The following RBBP5 variants were observed in gnomAD, a reference collection of about 807,000 sequenced individuals.
RBBP5 encodes RB binding protein 5, histone lysine methyltransferase complex subunit, also known as retinoblastoma-binding protein 5.
RBBP5 carries 5 observed loss-of-function variants against 72.2 expected under a neutral mutation model. The observed-to-expected ratio is 0.07, with a 90% CI of 0.04 to 0.15. The LOEUF is 0.15. RBBP5 is among the 10% of genes least tolerant of loss of function. RBBP5 has a pLI of 1.00. For missense variants in RBBP5, 322 were observed against 652.2 expected, an observed-to-expected ratio of 0.49 and a Z score of 5.51; for synonymous variants, 209 against 237.2, an observed-to-expected ratio of 0.88 and a Z score of 1.09.
intron 3 of RBBP5, among the ~76,000 whole-genome samples, chr1:205,111,802 T>C (rs367960372): frequency 3.3e-5 from 5 of 152,150 alleles, no homozygotes; most frequent in African/African-American, 1.2e-4. Flanking sequence ...ACATATGAGC[T>C]AGGAATCAAA....
At position 205,088,441 on chromosome 1, in the gene RBBP5, A is replaced by T. The variant is rs957652124; in HGVS notation, c.*346T>A. The T allele has an allele frequency of 5.9e-5, 13 of 221,418 alleles. No homozygotes were observed. The highest frequency in any genetic ancestry group is 1.2e-4 in the Admixed American group (2 of 16,668). 13.7% of individuals were successfully genotyped at this position (221,418 alleles called of 1,614,324 possible). A position where few individuals can be genotyped will look rare whatever the true frequency, so the allele number is the denominator to read the frequency against. On this transcript the variant is annotated 3_prime_UTR_variant, in exon 14 of 14. Transcript: ENST00000264515. The stretch of plus-strand genomic sequence containing the variant: ...TGGGAGATAGGAAATGACATGTCAA[A>T]ATGACGCTGGGTACAATGAAGTTAG...
intron 6 of RBBP5, among the ~76,000 whole-genome samples, chr1:205,100,841 C>T (rs1354122312): frequency 1.3e-5 from 2 of 152,192 alleles, no homozygotes; most frequent in Non-Finnish European, 2.9e-5. Flanking sequence ...GACAATTTTT[C>T]CACGGCCCAG....
chr1:205,103,223 CAAA>C (rs35295093), intron 5 of RBBP5, among the ~76,000 whole-genome samples: 6 of 91,382 alleles, frequency 6.6e-5, no homozygotes, highest in African/African-American at 1.3e-4. Flanking sequence ...GACTCCATCT[CAAA>C]AAAAAAAAAA....
chr1:205,118,507 G>A (rs1221882922), intron 1 of RBBP5, among the ~76,000 whole-genome samples: 1 of 152,038 alleles, frequency 6.6e-6, no homozygotes, highest in African/African-American at 2.4e-5. Context: ...CAGCTACTTG[G>A]GAGGCTGAAG....
chr1:205,112,223 C>T (rs2102319779), intron 3 of RBBP5, among the ~76,000 whole-genome samples: 1 of 152,114 alleles, frequency 6.6e-6, no homozygotes, highest in African/African-American at 2.4e-5. Flanking sequence ...GAGGTTGAGG[C>T]AGGAGAATTG....
At chr1:205,104,928 G>T in intron 4 of RBBP5, 100 bp downstream of exon 4, 2 of 1,328,148 alleles carry the variant, frequency 1.5e-6, no homozygotes, top group South Asian at 1.3e-5. Context: ...GAAGAGATGT[G>T]TATTTGCCTT....
chr1:205,120,237 T>G (rs1393375655), intron 1 of RBBP5, among the ~76,000 whole-genome samples: 4 of 152,126 alleles, frequency 2.6e-5, no homozygotes, highest in Non-Finnish European at 4.4e-5. Context: ...AACTCCACAT[T>G]GCTGTCAGAC....
At chr1:205,116,341 T>A (rs528263337) in intron 1 of RBBP5, 1 of 380,916 alleles carries the variant, frequency 2.6e-6, no homozygotes, top group Non-Finnish European at 5.4e-6. Flanking sequence ...TCTAAATTGG[T>A]AAACACTGGT....
At chr1:205,103,223 C>CAAAAAAAAAAAAAAAAAAA (rs35295093) in intron 5 of RBBP5, among the ~76,000 whole-genome samples, 1 of 91,402 alleles carries the variant, frequency 1.1e-5, no homozygotes, top group Non-Finnish European at 2.1e-5. Context: ...GACTCCATCT[C>CAAAAAAAAAAAAAAAAAAA]AAAAAAAAAA....
At chr1:205,104,141 C>G in intron 4 of RBBP5, 122 bp from the exon 5 acceptor site, 1 of 1,050,516 alleles carries the variant, frequency 9.5e-7, no homozygotes, top group Non-Finnish European at 1.4e-6. Flanking sequence ...AAATTTGAAA[C>G]AGTGAAAAAG....
chr1:205,112,447 T>G (rs765596633), intron 3 of RBBP5, among the ~76,000 whole-genome samples: 1 of 152,206 alleles, frequency 6.6e-6, no homozygotes, highest in Non-Finnish European at 1.5e-5. Context: ...TTAAATATAG[T>G]TCTTGTATAG....
intron 1 of RBBP5, among the ~76,000 whole-genome samples, chr1:205,118,838 CAGGG>C (rs1656628204): frequency 6.6e-6 from 1 of 152,110 alleles, no homozygotes; most frequent in African/African-American, 2.4e-5. Context: ...GAATACACAG[CAGGG>C]ACTCAAAAAG....
intron 3 of RBBP5, among the ~76,000 whole-genome samples, chr1:205,110,640 A>G (rs1034949352): frequency 1.4e-4 from 21 of 152,334 alleles, no homozygotes; most frequent in African/African-American, 5.1e-4. Context: ...ATTATTTCCC[A>G]CATAAAAAGA....
chr1:205,098,999 A>G lies in RBBP5; in HGVS notation c.1086T>C (p.Pro362=). ...FDIEDEDKSE[P]EQTGADAAED... The stretch of plus-strand genomic sequence containing the variant: ...ATTTAGAAATAGTACCTGTCTGCTC[A>G]GGCTCACTCTTATCTTCATCTTCAA... Residue 362 remains proline (P), a synonymous_variant, in exon 10 of 14, where the codon CCT becomes CCC. Transcript: ENST00000264515. 1 of 1,594,748 alleles carries G rather than the reference A, an allele frequency of 6.3e-7. No homozygotes were observed. Among genetic ancestry groups the G allele is most frequent in the South Asian group, 1.1e-5 (1 of 87,936 alleles).
At chr1:205,095,548 G>A (rs11576867) in intron 12 of RBBP5, among the ~76,000 whole-genome samples, 48,773 of 151,964 alleles carry the variant, frequency 0.32, 9,264 homozygotes, top group Non-Finnish European at 0.44. Flanking sequence ...GCTGAAAGAT[G>A]CACTAATACT....
At chr1:205,119,491 T>C (rs1271209991) in intron 1 of RBBP5, among the ~76,000 whole-genome samples, 3 of 152,096 alleles carry the variant, frequency 2.0e-5, no homozygotes, top group Non-Finnish European at 4.4e-5. Context: ...CCTGCTACTC[T>C]TTCAAAGTAC....
chr1:205,100,210 T>G lies in RBBP5; in HGVS notation c.694A>C (p.Thr232Pro). Residue 232 changes from threonine (T) to proline (P), a missense_variant, in exon 7 of 14, where the codon ACA (threonine) becomes CCA (proline). Thr to Pro is a conservative substitution (Grantham distance 38, BLOSUM62 -1). Coordinates refer to ENST00000264515, the MANE Select transcript of RBBP5 (RefSeq NM_005057.4). Reference sequence around the variant, plus strand: ...TCAGGCTCTCCATCTCTTCCACATGTTAAGATTTCTCTGCCATCATAAACT... The same window carrying G: ...TCAGGCTCTCCATCTCTTCCACATGGTAAGATTTCTCTGCCATCATAAACT... ...IRVYDGREIL[T>P]CGRDGEPEPM... 1 of 1,614,198 alleles carries G rather than the reference T, an allele frequency of 6.2e-7. No individual in the cohort carries two copies. Among genetic ancestry groups the G allele is most frequent in the Non-Finnish European group, 8.5e-7 (1 of 1,180,018 alleles).
At chr1:205,096,054 G>A (rs577068857) in intron 12 of RBBP5, among the ~76,000 whole-genome samples, 4 of 152,020 alleles carry the variant, frequency 2.6e-5, no homozygotes, top group South Asian at 4.2e-4. Flanking sequence ...TTAGCCAGGC[G>A]TGGTGGTGCA....
intron 1 of RBBP5, among the ~76,000 whole-genome samples, chr1:205,120,191 AC>A (rs1462331674): frequency 3.3e-5 from 5 of 151,618 alleles, no homozygotes; most frequent in African/African-American, 1.2e-4. Flanking sequence ...CATATAATCT[AC>A]CCCTCCAAAC....
Sources: gnomAD v4.1 joint callset for allele counts (sites outside exome capture counted in the v4.1 genomes callset) on GRCh38, gnomAD v4.1.1 for gene constraint, MANE v1.5 for transcripts, NCBI Gene and HGNC (gene_info 2026-07-23, HGNC 2026-07-21) for gene names.